The following SGMS1 variants were observed in gnomAD, a reference collection of about 807,000 sequenced individuals.
The protein encoded by SGMS1 is sphingomyelin synthase 1.
A neutral mutation model predicts 46.2 loss-of-function variants in SGMS1; 13 were observed. That is an observed-to-expected ratio of 0.28 (90% confidence interval 0.18 to 0.45). The LOEUF (loss-of-function observed/expected upper bound fraction) is 0.45. SGMS1 is among the 20% of genes least tolerant of loss of function. The probability of loss-of-function intolerance (pLI) is 1.00; values close to 1 mark genes in which losing one functional copy is unlikely to be tolerated. For missense variants in SGMS1, 324 were observed against 519.9 expected, an observed-to-expected ratio of 0.62 and a Z score of 3.66; for synonymous variants, 203 against 187.8, an observed-to-expected ratio of 1.08 and a Z score of -0.66.
intron 6 of SGMS1, among the ~76,000 whole-genome samples, chr10:50,392,573 C>A (rs1221356221): frequency 6.6e-6 from 1 of 152,178 alleles, no homozygotes; most frequent in Non-Finnish European, 1.5e-5. Context: ...TGAAGACCAG[C>A]CCAGCAAGCG....
intron 2 of SGMS1, among the ~76,000 whole-genome samples, chr10:50,550,676 C>T (rs112543475): frequency 0.011 from 1,716 of 152,270 alleles, 28 homozygotes; most frequent in African/African-American, 0.039. Flanking sequence ...GACCCCTCCT[C>T]GTCAACCTCC....
chr10:50,313,275 G>A (rs529860712), intron 8 of SGMS1, among the ~76,000 whole-genome samples: 9 of 152,290 alleles, frequency 5.9e-5, no homozygotes, highest in African/African-American at 1.9e-4. Context: ...CTAAAGCTTT[G>A]CCTTCTACAG....
chr10:50,410,106 G>C (rs533393089), intron 6 of SGMS1, among the ~76,000 whole-genome samples: 42 of 152,104 alleles, frequency 2.8e-4, no homozygotes, highest in Non-Finnish European at 5.4e-4. Context: ...ATGTACTCTA[G>C]TTTCTTTTAC....
At chr10:50,311,069 T>C (rs1847244937) in intron 9 of SGMS1, among the ~76,000 whole-genome samples, 193 bp downstream of exon 9, 1 of 152,232 alleles carries the variant, frequency 6.6e-6, no homozygotes, top group Non-Finnish European at 1.5e-5. Flanking sequence ...CACCTCGTCC[T>C]CAGGAAGACC....
At chr10:50,539,037 G>C (rs1397397631) in intron 2 of SGMS1, among the ~76,000 whole-genome samples, 1 of 152,242 alleles carries the variant, frequency 6.6e-6, no homozygotes, top group Non-Finnish European at 1.5e-5. Context: ...CACAGGTATT[G>C]TTCCTGTCCT....
chr10:50,483,425 T>A (rs191152964), intron 3 of SGMS1, among the ~76,000 whole-genome samples: 5 of 152,218 alleles, frequency 3.3e-5, no homozygotes, highest in African/African-American at 9.6e-5. Flanking sequence ...AGACTTAGAC[T>A]CCCTCATGAT....
chr10:50,471,429 A>C (rs1277828233), intron 3 of SGMS1, among the ~76,000 whole-genome samples: 1 of 152,196 alleles, frequency 6.6e-6, no homozygotes. Context: ...CTAAAGCACA[A>C]CATCAACCAA....
At chr10:50,320,823 T>A (rs945993716) in intron 8 of SGMS1, among the ~76,000 whole-genome samples, 11 of 152,232 alleles carry the variant, frequency 7.2e-5, no homozygotes, top group African/African-American at 2.4e-4. Context: ...CAGAGGCACA[T>A]CCACAGGGCA....
intron 6 of SGMS1, among the ~76,000 whole-genome samples, chr10:50,393,105 A>C (rs1170461221): frequency 6.6e-6 from 1 of 152,116 alleles, no homozygotes; most frequent in Admixed American, 6.6e-5. Flanking sequence ...ATTTACAGCA[A>C]GCAGCTCTTC....
At chr10:50,551,045 T>C (rs1838144749) in intron 2 of SGMS1, among the ~76,000 whole-genome samples, 1 of 152,146 alleles carries the variant, frequency 6.6e-6, no homozygotes, top group Non-Finnish European at 1.5e-5. Context: ...GAAGCGTAAC[T>C]TCTCCCTACT....
At chr10:50,581,749 C>G (rs1228180347) in intron 2 of SGMS1, among the ~76,000 whole-genome samples, 1 of 152,216 alleles carries the variant, frequency 6.6e-6, no homozygotes, top group Admixed American at 6.5e-5. Context: ...GGAATAAAAA[C>G]ACCATTGTAA....
At chr10:50,317,802 CTTT>C (rs143154915) in intron 8 of SGMS1, among the ~76,000 whole-genome samples, 1 of 133,586 alleles carries the variant, frequency 7.5e-6, no homozygotes. Flanking sequence ...TTATTTCTTT[CTTT>C]TTTTTTTTTT....
rs898542874 is a variant in SGMS1, at chr10:50,590,976, T to C, written c.-683-729A>G. 9.8e-4 allele frequency among the ~76,000 whole-genome samples: 149 copies of C among 151,700 alleles called. 1 individual carries two copies. The highest frequency in any genetic ancestry group is 2.4e-4 in the Non-Finnish European group (16 of 67,930). ...AGACCACACTTAGAAGGCATCCACG[T>C]ACCCACCTAGAACCACACAGGAATT... On this transcript the variant is annotated intron_variant, in intron 1 of 10. Transcript: ENST00000361781.
chr10:50,581,655 TC>T (rs1319323766), intron 2 of SGMS1, among the ~76,000 whole-genome samples: 1 of 152,160 alleles, frequency 6.6e-6, no homozygotes, highest in Non-Finnish European at 1.5e-5. Context: ...CTATTATAAT[TC>T]CCACAAATAT....
intron 6 of SGMS1, among the ~76,000 whole-genome samples, chr10:50,382,624 A>AC (rs923184392): frequency 9.9e-5 from 15 of 150,794 alleles, no homozygotes; most frequent in Non-Finnish European, 1.5e-4. Context: ...CCAAAAAAAA[A>AC]ACACACACAC....
intron 6 of SGMS1, among the ~76,000 whole-genome samples, chr10:50,372,195 C>T (rs543251409): frequency 3.9e-5 from 6 of 152,104 alleles, no homozygotes; most frequent in African/African-American, 1.2e-4. Context: ...TCATGAACAA[C>T]AAAAAGCGAA....
At chr10:50,580,131 C>T (rs969456404) in intron 2 of SGMS1, among the ~76,000 whole-genome samples, 2 of 151,976 alleles carry the variant, frequency 1.3e-5, no homozygotes, top group African/African-American at 4.8e-5. Context: ...CTATATTACC[C>T]AGCACATTTG....
chr10:50,567,576 G>C (rs1838299814), intron 2 of SGMS1, among the ~76,000 whole-genome samples: 1 of 152,214 alleles, frequency 6.6e-6, no homozygotes, highest in African/African-American at 2.4e-5. Context: ...CCAAGCAGCA[G>C]CTGCTCCTAT....
intron 3 of SGMS1, among the ~76,000 whole-genome samples, chr10:50,500,823 A>C (rs1000283001): frequency 6.4e-4 from 97 of 152,212 alleles, no homozygotes; most frequent in African/African-American, 2.2e-3. Context: ...TGATAATGGC[A>C]TTAGTTTAGG....
Sources: gnomAD v4.1 joint callset for allele counts (sites outside exome capture counted in the v4.1 genomes callset) on GRCh38, gnomAD v4.1.1 for gene constraint, MANE v1.5 for transcripts, NCBI Gene and HGNC (gene_info 2026-07-23, HGNC 2026-07-21) for gene names.